The following PCP4 variants were observed in gnomAD, a reference collection of about 807,000 sequenced individuals.
PCP4 encodes Purkinje cell protein 4.
In PCP4, 8 loss-of-function variants were observed where a neutral mutation model predicts 10.0. That is an observed-to-expected ratio of 0.80 (90% CI 0.47 to 1.45). The LOEUF (loss-of-function observed/expected upper bound fraction) is 1.45, where lower values mean the gene tolerates loss of function less well. Ranked by LOEUF, PCP4 falls within the 40% of genes most tolerant of loss-of-function variation. The probability of loss-of-function intolerance (pLI) is 0.00; values close to 1 mark genes in which losing one functional copy is unlikely to be tolerated. For synonymous variants in PCP4, 21 were observed against 23.0 expected (o/e 0.91, Z 0.24); for missense variants, 54 against 74.4 (o/e 0.73, Z 1.01).
chr21:39,905,510 G>A (rs1379829234), intron 2 of PCP4, among the ~76,000 whole-genome samples: 1 of 152,194 alleles, frequency 6.6e-6, no homozygotes, highest in African/African-American at 2.4e-5. Flanking sequence ...TCTGCCTGAA[G>A]GTTACTTTAG....
chr21:39,877,659 T>G (rs1340379971), intron 1 of PCP4, among the ~76,000 whole-genome samples: 1 of 152,112 alleles, frequency 6.6e-6, no homozygotes, highest in Non-Finnish European at 1.5e-5. Context: ...ATCATGCCAC[T>G]GCACTCCAGC....
chr21:39,910,550 G>A (rs2087534721), intron 2 of PCP4, among the ~76,000 whole-genome samples: 1 of 152,182 alleles, frequency 6.6e-6, no homozygotes. Context: ...CAGATGCTGG[G>A]TTGTAGATTA....
chr21:39,907,701 G>A (rs970517813), intron 2 of PCP4, among the ~76,000 whole-genome samples: 1 of 152,092 alleles, frequency 6.6e-6, no homozygotes, highest in Admixed American at 6.5e-5. Context: ...GGAGGCTGAG[G>A]CATGACAATC....
chr21:39,909,608 G>A (rs2087529530), intron 2 of PCP4, among the ~76,000 whole-genome samples: 1 of 151,934 alleles, frequency 6.6e-6, no homozygotes, highest in African/African-American at 2.4e-5. Context: ...AATACGTATT[G>A]ATTGGATAGA....
intron 2 of PCP4, among the ~76,000 whole-genome samples, chr21:39,903,684 C>A (rs368743481): frequency 6.6e-6 from 1 of 151,148 alleles, no homozygotes; most frequent in Non-Finnish European, 1.5e-5. Context: ...CTGGCTAACA[C>A]GGTGAAACCC....
At chr21:39,899,750 G>T (rs1225186408) in intron 2 of PCP4, among the ~76,000 whole-genome samples, 1 of 152,164 alleles carries the variant, frequency 6.6e-6, no homozygotes. Flanking sequence ...TGTCTCCTGT[G>T]TGTGAGTTGG....
chr21:39,885,952 G>C (rs1160424611), intron 1 of PCP4, among the ~76,000 whole-genome samples: 3 of 152,214 alleles, frequency 2.0e-5, no homozygotes, highest in African/African-American at 7.2e-5. Context: ...AGCACCATGA[G>C]GGAGAATCTG....
intron 2 of PCP4, among the ~76,000 whole-genome samples, chr21:39,899,757 T>C (rs893989155): frequency 3.3e-5 from 5 of 151,884 alleles, no homozygotes; most frequent in African/African-American, 1.2e-4. Context: ...TGTGTGTGAG[T>C]TGGGGTGGGT....
At chr21:39,911,421 G>A (rs1354737323) in intron 2 of PCP4, among the ~76,000 whole-genome samples, 3 of 152,178 alleles carry the variant, frequency 2.0e-5, no homozygotes, top group African/African-American at 7.2e-5. Flanking sequence ...GACTGGCCTC[G>A]AGGTGAGCAC....
chr21:39,918,080 C>A (rs1179293099), intron 2 of PCP4, among the ~76,000 whole-genome samples: 2 of 152,190 alleles, frequency 1.3e-5, no homozygotes, highest in African/African-American at 4.8e-5. Flanking sequence ...GATGTGAGAA[C>A]ATAAATTTCT....
intron 1 of PCP4, among the ~76,000 whole-genome samples, chr21:39,877,663 C>T (rs2087352909): frequency 6.6e-6 from 1 of 152,080 alleles, no homozygotes; most frequent in Non-Finnish European, 1.5e-5. Context: ...TGCCACTGCA[C>T]TCCAGCCTGG....
chr21:39,870,580 T>A (rs1032390372), intron 1 of PCP4, among the ~76,000 whole-genome samples: 5 of 152,206 alleles, frequency 3.3e-5, no homozygotes, highest in Non-Finnish European at 5.9e-5. Flanking sequence ...CCTGGAATAA[T>A]GACAGTCAGT....
At chr21:39,903,774 A>G (rs370787042) in intron 2 of PCP4, among the ~76,000 whole-genome samples, 1 of 149,468 alleles carries the variant, frequency 6.7e-6, no homozygotes, top group East Asian at 2.1e-4. Context: ...AGGCTGAGGC[A>G]GGAGAATGGC....
intron 2 of PCP4, among the ~76,000 whole-genome samples, chr21:39,908,565 C>G (rs1266423356): frequency 6.6e-6 from 1 of 152,158 alleles, no homozygotes; most frequent in Non-Finnish European, 1.5e-5. Flanking sequence ...CACACACCCA[C>G]AGACTGTGGG....
At chr21:39,869,571 C>A (rs1425033651) in intron 1 of PCP4, among the ~76,000 whole-genome samples, 1 of 152,190 alleles carries the variant, frequency 6.6e-6, no homozygotes, top group African/African-American at 2.4e-5. Flanking sequence ...GCCCTCTTCT[C>A]CCCCTCACAT....
intron 2 of PCP4, among the ~76,000 whole-genome samples, chr21:39,924,708 C>A (rs938170284): frequency 8.5e-5 from 13 of 152,186 alleles, no homozygotes; most frequent in Admixed American, 7.9e-4. Flanking sequence ...TTAGCTGCCA[C>A]CACTCCTGGC....
At chr21:39,903,195 GT>G (rs1049036187) in intron 2 of PCP4, among the ~76,000 whole-genome samples, 2 of 152,136 alleles carry the variant, frequency 1.3e-5, no homozygotes, top group African/African-American at 4.8e-5. Flanking sequence ...AATAAACCTC[GT>G]GATGGGGCTT....
At chr21:39,911,952 G>A (rs528633581) in intron 2 of PCP4, among the ~76,000 whole-genome samples, 43 of 152,246 alleles carry the variant, frequency 2.8e-4, no homozygotes, top group Non-Finnish European at 5.0e-4. Flanking sequence ...GGCTAGAAAC[G>A]GCCTATTAGG....
Position 39,906,045 on chromosome 21 carries a change from G to T in PCP4, c.61+7518G>T, listed in dbSNP as rs145110543. The stretch of plus-strand genomic sequence containing the variant: ...AACCTGGGTGACAGAGCGAGACTCC[G>T]TCTCAAAATGCTCCCCCATGCTGTC... On this transcript the variant is annotated intron_variant, in intron 2 of 2. Transcript: ENST00000328619. This position sits in a 1 kb window ranked among gnomAD's most constrained non-coding sequence, Gnocchi z 6.3. Among the ~76,000 whole-genome samples, 1 of 152,270 alleles carries T rather than the reference G, an allele frequency of 6.6e-6. No homozygotes were observed. Among genetic ancestry groups the T allele is most frequent in the South Asian group, 2.1e-4 (1 of 4,828 alleles).
Sources: allele counts gnomAD v4.1 joint callset (sites outside exome capture counted in the v4.1 genomes callset), GRCh38; gene constraint gnomAD v4.1.1; non-coding constraint Gnocchi (gnomAD v3.1); transcripts MANE v1.5; gene names NCBI Gene and HGNC (gene_info 2026-07-23, HGNC 2026-07-21).